The following GPC5 variants were observed in gnomAD, a reference collection of about 807,000 sequenced individuals.
GPC5 encodes glypican 5.
A neutral mutation model predicts 53.9 loss-of-function variants in GPC5; 47 were observed. The observed-to-expected ratio is 0.87, with a 90% CI of 0.69 to 1.11. GPC5 has a LOEUF of 1.11. Ranked by LOEUF, GPC5 falls within the 50% of genes most tolerant of loss-of-function variation. The pLI is 0.00. For synonymous variants in GPC5, 286 were observed against 263.3 expected, an observed-to-expected ratio of 1.09 and a Z score of -0.84; for missense variants, 748 against 713.1, an observed-to-expected ratio of 1.05 and a Z score of -0.56.
chr13:92,135,028 T>C (rs2041772513), intron 6 of GPC5, among the ~76,000 whole-genome samples: 1 of 152,196 alleles, frequency 6.6e-6, no homozygotes, highest in African/African-American at 2.4e-5. Context: ...AATTTACTTA[T>C]ACCCTCCATT....
chr13:92,387,368 T>G (rs777769520), intron 7 of GPC5, among the ~76,000 whole-genome samples: 1 of 152,120 alleles, frequency 6.6e-6, no homozygotes, highest in Admixed American at 6.6e-5. Context: ...GACATAATTA[T>G]ATTTTCAATT....
At chr13:92,248,834 T>G (rs1447803002) in intron 7 of GPC5, among the ~76,000 whole-genome samples, 1 of 152,096 alleles carries the variant, frequency 6.6e-6, no homozygotes, top group Non-Finnish European at 1.5e-5. Flanking sequence ...GTGTGTTTTT[T>G]ATTCATTATT....
At chr13:92,151,736 C>T (rs1329598284) in intron 7 of GPC5, among the ~76,000 whole-genome samples, 1 of 152,192 alleles carries the variant, frequency 6.6e-6, no homozygotes, top group Non-Finnish European at 1.5e-5. Flanking sequence ...CATTTATCAA[C>T]TCTTCCATTT....
chr13:92,823,351 A>G (rs1877738565), intron 7 of GPC5, among the ~76,000 whole-genome samples: 1 of 152,136 alleles, frequency 6.6e-6, no homozygotes, highest in African/African-American at 2.4e-5. Context: ...GGGAAAATAC[A>G]AAGGAACATA....
intron 7 of GPC5, among the ~76,000 whole-genome samples, chr13:92,647,414 C>A (rs12873920): frequency 0.56 from 84,733 of 151,918 alleles, 27,494 homozygotes; most frequent in Non-Finnish European, 0.75. Flanking sequence ...TGAGATTTGC[C>A]TGTGTTTTCA....
chr13:92,861,700 G>C (rs375670999), intron 7 of GPC5, among the ~76,000 whole-genome samples: 2 of 152,044 alleles, frequency 1.3e-5, no homozygotes, highest in Admixed American at 6.6e-5. Flanking sequence ...TGTACCAAAG[G>C]TTCTTTTCTT....
intron 7 of GPC5, among the ~76,000 whole-genome samples, chr13:92,822,388 T>C (rs1434017663): frequency 6.6e-6 from 1 of 152,118 alleles, no homozygotes; most frequent in Non-Finnish European, 1.5e-5. Context: ...AGTTAAGGAC[T>C]ATTATTGTTC....
rs150186930 is a variant in GPC5 at position 92,475,784 on chromosome 13, C to A, written c.1561+330795C>A. 4.8e-3 allele frequency among the ~76,000 whole-genome samples: 727 copies of A among 152,194 alleles called. 6 individuals carry two copies. The highest frequency in any genetic ancestry group is 0.016 in the African/African-American group (680 of 41,534). On this transcript the variant is annotated intron_variant, in intron 7 of 7. Coordinates refer to ENST00000377067, the MANE Select transcript of GPC5 (RefSeq NM_004466.6). ...CCTGAGAAAACCTGAGAAACACAAG[C>A]AATGGGGAAAGGATTCCCTATTTAA... is the stretch of plus-strand genomic sequence containing the variant.
intron 6 of GPC5, among the ~76,000 whole-genome samples, chr13:92,013,009 G>A (rs1044554330): frequency 8.5e-5 from 13 of 152,308 alleles, no homozygotes; most frequent in African/African-American, 2.2e-4. Context: ...CTGTGACCCC[G>A]AAGCCCCAGA....
intron 2 of GPC5, among the ~76,000 whole-genome samples, chr13:91,677,287 T>C (rs2035405804): frequency 6.6e-6 from 1 of 152,206 alleles, no homozygotes; most frequent in Admixed American, 6.5e-5. Flanking sequence ...CTTGGTACTT[T>C]TTAATGATTT....
intron 6 of GPC5, among the ~76,000 whole-genome samples, chr13:92,050,214 T>C (rs1005166070): frequency 6.6e-5 from 10 of 152,222 alleles, no homozygotes; most frequent in African/African-American, 2.2e-4. Flanking sequence ...ATCCTCATGA[T>C]ATTCAGAGAT....
At chr13:92,275,693 T>G (rs1354653605) in intron 7 of GPC5, among the ~76,000 whole-genome samples, 1 of 152,120 alleles carries the variant, frequency 6.6e-6, no homozygotes, top group Admixed American at 6.6e-5. Context: ...ATAAATATAC[T>G]TAATGATCCT....
At chr13:92,701,488 G>T (rs1215838252) in intron 7 of GPC5, 1 of 152,052 alleles carries the variant, frequency 6.6e-6, no homozygotes, top group Non-Finnish European at 1.5e-5. Flanking sequence ...ATTTTTCAGG[G>T]TCTGAAATGA....
chr13:91,787,997 A>T (rs2138739126), intron 5 of GPC5, among the ~76,000 whole-genome samples: 1 of 152,292 alleles, frequency 6.6e-6, no homozygotes, highest in South Asian at 2.1e-4. Flanking sequence ...TGAGGGTGAG[A>T]GCTTTTTTTT....
intron 3 of GPC5, among the ~76,000 whole-genome samples, chr13:91,701,902 C>A (rs2036001699): frequency 6.6e-6 from 1 of 152,112 alleles, no homozygotes; most frequent in African/African-American, 2.4e-5. Flanking sequence ...TACAAAGTAA[C>A]ATTCCTGCCA....
At chr13:92,309,639 A>G (rs1272673213) in intron 7 of GPC5, among the ~76,000 whole-genome samples, 1 of 152,126 alleles carries the variant, frequency 6.6e-6, no homozygotes, top group Non-Finnish European at 1.5e-5. Context: ...TATTTTAAAT[A>G]CATAAAACAT....
intron 5 of GPC5, among the ~76,000 whole-genome samples, chr13:91,825,709 G>C (rs544135381): frequency 7.0e-4 from 107 of 152,182 alleles, no homozygotes; most frequent in African/African-American, 2.4e-3. Flanking sequence ...CCGGACTCAC[G>C]TGATACCAGT....
intron 7 of GPC5, among the ~76,000 whole-genome samples, chr13:92,203,791 A>C (rs1163702796): frequency 6.6e-6 from 1 of 150,806 alleles, no homozygotes; most frequent in Non-Finnish European, 1.5e-5. Flanking sequence ...GAAAATCTCG[A>C]TGACTCGCAG....
chr13:92,190,675 A>G (rs866181111), intron 7 of GPC5, among the ~76,000 whole-genome samples: 48 of 152,260 alleles, frequency 3.2e-4, no homozygotes, highest in African/African-American at 1.2e-3. Flanking sequence ...TAAAATGTAT[A>G]TTGCAAACTC....
Sources: allele counts gnomAD v4.1 joint callset (sites outside exome capture counted in the v4.1 genomes callset), GRCh38; gene constraint gnomAD v4.1.1; transcripts MANE v1.5; gene names NCBI Gene and HGNC (gene_info 2026-07-23, HGNC 2026-07-21).